The following KICS2 variants were observed in gnomAD, a reference collection of about 807,000 sequenced individuals.
The protein encoded by KICS2 is KICSTOR complex protein C12orf66.
A neutral mutation model predicts 31.4 loss-of-function variants in KICS2; 13 were observed. The observed-to-expected ratio is 0.41, with a 90% confidence interval of 0.27 to 0.66. KICS2 has a LOEUF of 0.66. KICS2 is among the 30% of genes least tolerant of loss of function. KICS2 has a pLI of 0.28. For synonymous variants in KICS2, 209 were observed against 214.8 expected, an observed-to-expected ratio of 0.97 and a Z score of 0.24; for missense variants, 455 against 545.4, an observed-to-expected ratio of 0.83 and a Z score of 1.65.
intron 2 of KICS2, among the ~76,000 whole-genome samples, chr12:64,212,669 T>C (rs765999282): frequency 4.6e-5 from 7 of 152,250 alleles, no homozygotes; most frequent in Non-Finnish European, 1.0e-4. Flanking sequence ...CGTGTGGACA[T>C]ATGTTTTCAT....
chr12:64,187,679 CTAAAT>C (rs2037348802), downstream of KICS2: 3 of 1,530,556 alleles, frequency 2.0e-6, no homozygotes, highest in African/African-American at 2.7e-5. Context: ...GAGGGAATTG[CTAAAT>C]TAAATTAAAC....
At position 64,193,567 on chromosome 12, in the gene KICS2, C is replaced by A; in HGVS notation, c.*275G>T. The A allele has an allele frequency of 8.6e-7, 1 of 1,165,472 alleles. No individual in the cohort carries two copies. The highest frequency in any genetic ancestry group is 4.3e-5 in the Admixed American group (1 of 23,236). The allele number at this position is 1,165,472 out of a possible 1,614,324, so 72.2% of individuals were successfully genotyped here. On this transcript the variant is annotated 3_prime_UTR_variant, in exon 3 of 3. Coordinates refer to ENST00000398055, the MANE Select transcript of KICS2 (RefSeq NM_152440.5). ...AAAAGCCCAATAAATATTCAATCTA[C>A]AAGAAATATAGCAAAATAGGGGAAA...
intron 1 of KICS2, among the ~76,000 whole-genome samples, chr12:64,218,532 T>G (rs2037650539): frequency 6.6e-6 from 1 of 152,204 alleles, no homozygotes; most frequent in Admixed American, 6.5e-5. Flanking sequence ...ACTGATACAT[T>G]TTTTAAAACT....
In KICS2 at chr12:64,222,208, C is replaced by G; in HGVS notation, c.30G>C (p.Pro10=). Reference sequence around the variant, plus strand: ...CCAGCACCGCCTGTTCCACCGGGACCGGGGCGGCCAGCGGGATAGACTCCC... The same window carrying G: ...CCAGCACCGCCTGTTCCACCGGGACGGGGGCGGCCAGCGGGATAGACTCCC... MGESIPLAA[P]VPVEQAVLET... The change falls in exon 1 of 3, where the codon CCG becomes CCC. Residue 10 remains proline, a synonymous_variant. Transcript: ENST00000398055. 2 of 1,614,012 alleles carry G rather than the reference C, an allele frequency of 1.2e-6. No individual in the cohort carries two copies. Among genetic ancestry groups the G allele is most frequent in the Non-Finnish European group, 1.7e-6 (2 of 1,179,940 alleles).
At position 64,215,812 on chromosome 12, in the gene KICS2, G is replaced by C. The variant is rs1352268423; in HGVS notation, c.387C>G (p.Leu129=). The C allele has an allele frequency of 6.2e-7, 1 of 1,613,956 alleles. No individual in the cohort carries two copies. Among genetic ancestry groups the C allele is most frequent in the South Asian group, 1.1e-5 (1 of 91,056 alleles). ...CCATCCGAGCCTGAACAAAGAAGCA[G>C]AGCTGCTCTGACAGGTGGGAAAGGA... The part of the protein sequence containing the change: ...EELLSHLSEQ[L]CFFVQARMEI... Residue 129 remains leucine (L), a synonymous_variant, in exon 2 of 3, where the codon CTC becomes CTG. Transcript: ENST00000398055.
intron 2 of KICS2, among the ~76,000 whole-genome samples, chr12:64,195,425 C>T (rs562676256): frequency 2.0e-5 from 3 of 152,256 alleles, no homozygotes; most frequent in East Asian, 1.9e-4. Context: ...GGTATTAAGC[C>T]TATCTTGCAG....
rs947387911 is a variant in KICS2 at position 64,219,635 on chromosome 12, A to G, written c.235+2368T>C. Reference sequence around the variant, plus strand: ...TAAGTATTCTCACAATATACACATGAAAGAAAGAAGGAAGGAAGGAAGATA... The same window carrying G: ...TAAGTATTCTCACAATATACACATGGAAGAAAGAAGGAAGGAAGGAAGATA... On this transcript the variant is annotated intron_variant, in intron 1 of 2. Transcript: ENST00000398055. 2.0e-5 allele frequency among the ~76,000 whole-genome samples: 3 copies of G among 152,310 alleles called. No homozygotes were observed. In the East Asian group the frequency reaches 5.8e-4, roughly 29 times the overall value.
At chr12:64,199,290 G>A (rs2037467269) in intron 2 of KICS2, among the ~76,000 whole-genome samples, 2 of 64,926 alleles carry the variant, frequency 3.1e-5, no homozygotes, top group Admixed American at 1.9e-4. Flanking sequence ...ATGCAAGGCT[G>A]GTTCAATATA....
intron 1 of KICS2, among the ~76,000 whole-genome samples, chr12:64,217,716 G>A (rs1420730691): frequency 6.6e-6 from 1 of 151,962 alleles, no homozygotes; most frequent in African/African-American, 2.4e-5. Context: ...TAGGAGAATC[G>A]CTTGAACCAG....
downstream of KICS2, among the ~76,000 whole-genome samples, chr12:64,188,482 C>T (rs939288061): frequency 6.6e-6 from 1 of 151,430 alleles, no homozygotes; most frequent in Non-Finnish European, 1.5e-5. Flanking sequence ...GAGATTGTGC[C>T]GCTGCACTCC....
At position 64,194,512 on chromosome 12, in the gene KICS2, A is replaced by G. The variant is rs535524580; in HGVS notation, c.668T>C (p.Leu223Pro). The change falls in exon 3 of 3, where the codon CTG (leucine) becomes CCG (proline). Residue 223 changes from leucine (L) to proline (P), a missense_variant. Leu to Pro is a moderately conservative substitution (Grantham distance 98). Transcript: ENST00000398055. ...LVNLHSAHTK[L>P]QTWGQIFEKQ... The stretch of plus-strand genomic sequence containing the variant: ...CTCAAAGATCTGGCCCCACGTCTGC[A>G]GTTTGGTGTGCGCACTGTGTAAATT... 1 of 1,614,124 alleles carries G rather than the reference A, an allele frequency of 6.2e-7. No individual in the cohort carries two copies. The highest frequency in any genetic ancestry group is 1.1e-5 in the South Asian group (1 of 91,074).
chr12:64,220,462 C>A (rs532011442), intron 1 of KICS2, among the ~76,000 whole-genome samples: 2 of 151,762 alleles, frequency 1.3e-5, no homozygotes, highest in Non-Finnish European at 2.9e-5. Flanking sequence ...TCAGGTTATA[C>A]GCAAAATTAT....
rs1380511785 is a variant in KICS2 at position 64,197,244 on chromosome 12, C to T, written c.522-2586G>A. ...AAAGGGAAGCCCATCAGACTAACAG[C>T]GGATCTCTCATCAGAAACCCTACAA... On this transcript the variant is annotated intron_variant, in intron 2 of 2. Coordinates refer to ENST00000398055, the MANE Select transcript of KICS2 (RefSeq NM_152440.5). Among the ~76,000 whole-genome samples, 520 of 147,038 alleles carry T rather than the reference C, an allele frequency of 3.5e-3. 5 individuals are homozygous for T. The highest frequency in any genetic ancestry group is 0.013 in the African/African-American group (490 of 38,980).
rs1592388800 is a variant in KICS2, at chr12:64,215,596, T to C, written c.521+82A>G. 4 of 1,193,904 alleles carry C rather than the reference T, an allele frequency of 3.4e-6. No homozygotes were observed. In the East Asian group the frequency reaches 9.5e-5, roughly 28 times the overall value. 74.0% of individuals were successfully genotyped at this position (1,193,904 alleles called of 1,614,324 possible). On this transcript the variant is annotated intron_variant, in intron 2 of 2. Transcript: ENST00000398055. The stretch of plus-strand genomic sequence containing the variant: ...ACAGTTATTTCATCACAGATTTTCA[T>C]AAGAGTGTGGAGAAAAACTCTGAGC...
intron 2 of KICS2, among the ~76,000 whole-genome samples, chr12:64,204,063 G>A (rs1476838648): frequency 6.6e-6 from 1 of 152,264 alleles, no homozygotes; most frequent in Non-Finnish European, 1.5e-5. Flanking sequence ...GCAGGGACAT[G>A]GACGAAGCTG....
intron 2 of KICS2, among the ~76,000 whole-genome samples, chr12:64,207,046 T>C (rs2037545067): frequency 1.3e-5 from 2 of 152,092 alleles, no homozygotes; most frequent in Admixed American, 6.6e-5. Flanking sequence ...TGGCTATGCC[T>C]GTAATCCCAG....
intron 2 of KICS2, among the ~76,000 whole-genome samples, chr12:64,197,117 T>C (rs2136690845): frequency 1.0e-5 from 1 of 99,774 alleles, no homozygotes; most frequent in South Asian, 3.1e-4. Flanking sequence ...AAGATACTCC[T>C]CGAGAAGAGC....
At chr12:64,211,934 A>G (rs1327854347) in intron 2 of KICS2, among the ~76,000 whole-genome samples, 6 of 152,182 alleles carry the variant, frequency 3.9e-5, no homozygotes, top group African/African-American at 1.4e-4. Context: ...TGTTTTTTTC[A>G]TTCAAAACTG....
chr12:64,203,733 T>C (rs1346796887), intron 2 of KICS2, among the ~76,000 whole-genome samples: 1 of 152,144 alleles, frequency 6.6e-6, no homozygotes, highest in East Asian at 1.9e-4. Flanking sequence ...TTAAAAGGAT[T>C]ATGGTTAAGA....
Sources: allele counts gnomAD v4.1 joint callset (sites outside exome capture counted in the v4.1 genomes callset), GRCh38; gene constraint gnomAD v4.1.1; transcripts MANE v1.5; gene names NCBI Gene and HGNC (gene_info 2026-07-23, HGNC 2026-07-21).